Variants in RPTOR observed in about 807,000 individuals in gnomAD.
RPTOR encodes the protein regulatory-associated protein of mTOR.
Under a neutral mutation model 169.9 loss-of-function variants are expected in RPTOR, and 21 were observed. The observed-to-expected ratio is 0.12, with a 90% confidence interval of 0.09 to 0.18. RPTOR has a LOEUF of 0.18. RPTOR is among the 10% of genes least tolerant of loss of function. RPTOR has a pLI of 1.00. For missense variants in RPTOR, 1,133 were observed against 1,855.9 expected (o/e 0.61, Z 7.16); for synonymous variants, 732 against 753.2 (o/e 0.97, Z 0.46).
At chr17:80,932,145 G>A (rs1454418232) in intron 24 of RPTOR, among the ~76,000 whole-genome samples, 1 of 62,472 alleles carries the variant, frequency 1.6e-5, no homozygotes, top group Admixed American at 1.6e-4. Flanking sequence ...TTCCAGGCAT[G>A]CATATATATA....
At chr17:80,866,807 T>C (rs553001300) in intron 13 of RPTOR, among the ~76,000 whole-genome samples, 10 of 152,322 alleles carry the variant, frequency 6.6e-5, no homozygotes, top group Admixed American at 1.3e-4. Context: ...TTTGAACTTC[T>C]GGGCTCCAGC....
intron 7 of RPTOR, among the ~76,000 whole-genome samples, chr17:80,792,028 A>G (rs1400117509): frequency 2.0e-5 from 3 of 152,120 alleles, no homozygotes; most frequent in African/African-American, 7.2e-5. Flanking sequence ...CTTGCCTCCC[A>G]TAATCCTTCC....
intron 17 of RPTOR, among the ~76,000 whole-genome samples, chr17:80,886,410 C>G (rs948938107): frequency 3.3e-5 from 5 of 152,230 alleles, no homozygotes; most frequent in Non-Finnish European, 7.3e-5. Flanking sequence ...CCATCACGTT[C>G]TCCTCGTGGC....
intron 1 of RPTOR, among the ~76,000 whole-genome samples, chr17:80,559,859 G>A (rs1165477256): frequency 2.0e-5 from 3 of 152,328 alleles, no homozygotes; most frequent in East Asian, 1.9e-4. Flanking sequence ...GCTGCAAGAG[G>A]TTGACTTCCT....
intron 25 of RPTOR, among the ~76,000 whole-genome samples, chr17:80,940,814 C>A (rs1302641529): frequency 3.3e-5 from 5 of 152,188 alleles, no homozygotes; most frequent in Admixed American, 6.5e-5. Context: ...TTCTGCAGCC[C>A]AGAGTGGGGA....
intron 9 of RPTOR, among the ~76,000 whole-genome samples, chr17:80,836,253 A>T (rs1213025512): frequency 6.6e-6 from 1 of 152,222 alleles, no homozygotes; most frequent in Non-Finnish European, 1.5e-5. Context: ...TCCCGGTCAG[A>T]TCTTTTCTTC....
rs750823885 is a variant in RPTOR at position 80,893,774 on chromosome 17, C to T, written c.2310C>T (p.Gly770=). 7 of 1,600,430 alleles carry T rather than the reference C, an allele frequency of 4.4e-6. No individual in the cohort carries two copies. In the African/African-American group the frequency reaches 8.1e-5, roughly 19 times the overall value. ...GCAGCAGCGCCAGCAGCACCCTGGG[C>T]AGCCCCGAGAATGAGGAGCATATCC... The part of the protein sequence containing the change: ...STSSSASSTL[G]SPENEEHILS... The change falls in exon 20 of 34, where the codon GGC becomes GGT. Residue 770 remains glycine (G), a synonymous_variant. Coordinates refer to ENST00000306801, the MANE Select transcript of RPTOR (RefSeq NM_020761.3).
At chr17:80,684,589 C>T (rs534103705) in intron 3 of RPTOR, among the ~76,000 whole-genome samples, 244 of 152,056 alleles carry the variant, frequency 1.6e-3, no homozygotes, top group African/African-American at 5.5e-3. Context: ...GGACTACAGA[C>T]GCCCACCACC....
intron 8 of RPTOR, 43 bp downstream of exon 8, chr17:80,822,344 G>A (rs1365655712): frequency 6.3e-7 from 1 of 1,578,766 alleles, no homozygotes; most frequent in Admixed American, 1.7e-5. Context: ...CTATGGCCTT[G>A]AGTGCGCGGG....
At chr17:80,802,146 C>T (rs1403257826) in intron 7 of RPTOR, 1 of 152,248 alleles carries the variant, frequency 6.6e-6, no homozygotes, top group Non-Finnish European at 1.5e-5. Context: ...CCCAGGGAAC[C>T]TGCACACAGC....
At position 80,721,864 on chromosome 17, in the gene RPTOR, GTA is replaced by G. The variant is rs140367792; in HGVS notation, c.508-8682_508-8681del. Among the ~76,000 whole-genome samples the G allele has an allele frequency of 2.7e-5, 4 of 149,610 alleles. No individual in the cohort carries two copies. The highest frequency in any genetic ancestry group is 1.0e-4 in the African/African-American group (4 of 39,934). ...CAAGTCTTCATTATTATCCAATTTGGTATATATATATATATTTCAGGTTTTTA... is the reference window on the plus strand; with the variant it reads ...CAAGTCTTCATTATTATCCAATTTGGTATATATATATATTTCAGGTTTTTA... On this transcript the variant is annotated intron_variant, in intron 4 of 33. Coordinates refer to ENST00000306801, the MANE Select transcript of RPTOR (RefSeq NM_020761.3). The surrounding 1 kb of genome is among the most constrained non-coding windows in gnomAD (Gnocchi z 4.7).
At chr17:80,679,383 C>A (rs568886264) in intron 3 of RPTOR, among the ~76,000 whole-genome samples, 2 of 152,218 alleles carry the variant, frequency 1.3e-5, no homozygotes, top group Non-Finnish European at 2.9e-5. Flanking sequence ...AAGAGGCTTC[C>A]GCACAGCCAC....
intron 13 of RPTOR, among the ~76,000 whole-genome samples, chr17:80,858,420 C>G (rs1403348983): frequency 2.0e-5 from 3 of 152,276 alleles, no homozygotes; most frequent in African/African-American, 7.2e-5. Context: ...GCTCTGTCCT[C>G]TCTGACGGGC....
chr17:80,598,882 T>TCTATCTATCTATCTATCTA (rs2065164189), intron 1 of RPTOR, among the ~76,000 whole-genome samples: 1 of 146,758 alleles, frequency 6.8e-6, no homozygotes, highest in African/African-American at 2.5e-5. Flanking sequence ...TCTTGATTCT[T>TCTATCTATCTATCTATCTA]TCTATCTATC....
intron 3 of RPTOR, among the ~76,000 whole-genome samples, chr17:80,645,200 C>T (rs572985879): frequency 3.9e-5 from 6 of 152,218 alleles, no homozygotes; most frequent in East Asian, 1.9e-4. Context: ...CATGGTGAGA[C>T]GGGCACTTGC....
chr17:80,600,228 A>G (rs925628616), intron 1 of RPTOR, among the ~76,000 whole-genome samples: 1 of 152,198 alleles, frequency 6.6e-6, no homozygotes, highest in Non-Finnish European at 1.5e-5. Context: ...TTGTCTCTTT[A>G]TGGGTGTGGC....
intron 13 of RPTOR, among the ~76,000 whole-genome samples, chr17:80,874,971 G>A (rs1263561528): frequency 2.6e-5 from 4 of 152,224 alleles, no homozygotes; most frequent in Non-Finnish European, 5.9e-5. Flanking sequence ...CAGAACGCAC[G>A]TGGTAGGGTA....
chr17:80,672,679 A>C (rs12953231), intron 3 of RPTOR, among the ~76,000 whole-genome samples: 1 of 151,932 alleles, frequency 6.6e-6, no homozygotes, highest in East Asian at 2.0e-4. Flanking sequence ...AGTCCCAGCT[A>C]CTTTGGAGGC....
At chr17:80,920,381 C>G (rs759045542) in intron 21 of RPTOR, among the ~76,000 whole-genome samples, 1 of 152,198 alleles carries the variant, frequency 6.6e-6, no homozygotes, top group Non-Finnish European at 1.5e-5. Flanking sequence ...GGCTCCTGAT[C>G]CAGGTGTGTG....
Sources: gnomAD v4.1 joint callset for allele counts (sites outside exome capture counted in the v4.1 genomes callset) on GRCh38, gnomAD v4.1.1 for gene constraint, Gnocchi (gnomAD v3.1) non-coding constraint, MANE v1.5 for transcripts, NCBI Gene and HGNC (gene_info 2026-07-23, HGNC 2026-07-21) for gene names.